GRM7: variants seen among roughly 807,000 people sequenced by gnomAD.
GRM7 encodes metabotropic glutamate receptor 7.
In GRM7, 35 loss-of-function variants were observed where a neutral mutation model predicts 84.5. That is an observed-to-expected ratio of 0.41 (90% CI 0.32 to 0.55). The LOEUF (loss-of-function observed/expected upper bound fraction) is 0.55, where lower values mean the gene tolerates loss of function less well. GRM7 is among the 20% of genes least tolerant of loss of function. The probability of loss-of-function intolerance (pLI) is 0.19; values close to 1 mark genes in which losing one functional copy is unlikely to be tolerated. For synonymous variants in GRM7, 487 were observed against 455.1 expected (o/e 1.07, Z -0.89); for missense variants, 1,003 against 1,194.6 (o/e 0.84, Z 2.36).
At chr3:7,063,981 G>A (rs74471390) in intron 1 of GRM7, among the ~76,000 whole-genome samples, 5,621 of 148,580 alleles carry the variant, frequency 0.038, 211 homozygotes, top group East Asian at 0.094. Context: ...GGTATGCAGC[G>A]TGGGATCTTC....
intron 6 of GRM7, among the ~76,000 whole-genome samples, chr3:7,460,125 A>AAAAAAAAAAAAAT (rs1250538408): frequency 6.7e-6 from 1 of 150,356 alleles, no homozygotes; most frequent in Non-Finnish European, 1.5e-5. Flanking sequence ...AAAAAAAAAA[A>AAAAAAAAAAAAAT]AAAAGATGCC....
At chr3:7,717,897 A>G (rs572673296) in intron 9 of GRM7, among the ~76,000 whole-genome samples, 59 of 152,366 alleles carry the variant, frequency 3.9e-4, no homozygotes, top group African/African-American at 1.3e-3. Flanking sequence ...GAGGTATGGT[A>G]GTACATTTCA....
At chr3:6,911,096 A>G (rs1452267084) in intron 1 of GRM7, among the ~76,000 whole-genome samples, 3 of 152,166 alleles carry the variant, frequency 2.0e-5, no homozygotes, top group African/African-American at 7.2e-5. Flanking sequence ...AGGAGCTTCT[A>G]ATCATCCTTA....
chr3:7,457,575 T>C (rs67295834), intron 6 of GRM7, among the ~76,000 whole-genome samples: 18,426 of 152,228 alleles, frequency 0.12, 1,169 homozygotes, highest in South Asian at 0.27. Flanking sequence ...TTATATTTTG[T>C]AGAGATGGCA....
intron 8 of GRM7, among the ~76,000 whole-genome samples, chr3:7,591,190 C>T (rs968557287): frequency 2.6e-5 from 4 of 152,058 alleles, no homozygotes; most frequent in African/African-American, 7.2e-5. Context: ...ATGAAGATTG[C>T]GCAGACAAAG....
chr3:7,057,797 A>G (rs1255622370), intron 1 of GRM7, among the ~76,000 whole-genome samples: 2 of 151,920 alleles, frequency 1.3e-5, no homozygotes, highest in Non-Finnish European at 2.9e-5. Context: ...ACCTCTTCAT[A>G]TATCAGGATG....
At chr3:7,019,931 G>A (rs2124909724) in intron 1 of GRM7, among the ~76,000 whole-genome samples, 1 of 152,284 alleles carries the variant, frequency 6.6e-6, no homozygotes, top group Non-Finnish European at 1.5e-5. Flanking sequence ...CACCGGAAAA[G>A]ATTTTGTTTC....
chr3:7,077,973 G>A (rs1055287028), intron 1 of GRM7, among the ~76,000 whole-genome samples: 1 of 149,764 alleles, frequency 6.7e-6, no homozygotes, highest in Non-Finnish European at 1.5e-5. Context: ...AGGCTTTGCT[G>A]GCCACACTGT....
intron 5 of GRM7, among the ~76,000 whole-genome samples, chr3:7,450,714 T>C (rs899660309): frequency 2.1e-5 from 3 of 140,694 alleles, no homozygotes; most frequent in Admixed American, 6.9e-5. Context: ...ATAAATTTTA[T>C]CTTTAAAAAA....
chr3:6,873,274 T>C (rs536363988), intron 1 of GRM7, among the ~76,000 whole-genome samples: 1 of 152,314 alleles, frequency 6.6e-6, no homozygotes, highest in East Asian at 1.9e-4. Flanking sequence ...GGTTTCACCA[T>C]ACTGGCCAGG....
chr3:7,606,548 G>C (rs545643322), intron 8 of GRM7, among the ~76,000 whole-genome samples: 27 of 151,838 alleles, frequency 1.8e-4, no homozygotes, highest in Admixed American at 3.9e-4. Context: ...TTTCTTTTTG[G>C]GGGGACAAGG....
At chr3:7,107,273 A>T (rs1276575330) in intron 1 of GRM7, among the ~76,000 whole-genome samples, 1 of 152,018 alleles carries the variant, frequency 6.6e-6, no homozygotes, top group African/African-American at 2.4e-5. Flanking sequence ...TTTTCCAGTT[A>T]GATAGGTGTC....
intron 8 of GRM7, among the ~76,000 whole-genome samples, chr3:7,670,004 ACAGTCACCC>A (rs1352624084): frequency 6.8e-6 from 1 of 147,074 alleles, no homozygotes; most frequent in Non-Finnish European, 1.5e-5. Context: ...TTTTGAGTGC[ACAGTCACCC>A]CAATGGGCAA....
intron 2 of GRM7, among the ~76,000 whole-genome samples, chr3:7,251,961 CT>C (rs1698008088): frequency 6.6e-6 from 1 of 152,092 alleles, no homozygotes. Flanking sequence ...AAAACAAAGC[CT>C]TTTTTCCAAT....
At chr3:7,070,510 CA>C (rs1406340435) in intron 1 of GRM7, among the ~76,000 whole-genome samples, 2 of 152,078 alleles carry the variant, frequency 1.3e-5, no homozygotes, top group Non-Finnish European at 2.9e-5. Flanking sequence ...TGGCAGTTTT[CA>C]AATACTATTC....
chr3:7,398,829 G>T (rs1559294210), intron 4 of GRM7, among the ~76,000 whole-genome samples: 2 of 152,036 alleles, frequency 1.3e-5, no homozygotes, highest in African/African-American at 2.4e-5. Flanking sequence ...CCATGGCCAT[G>T]AAGCCAACCC....
chr3:7,317,106 T>C (rs1040184214), intron 4 of GRM7, among the ~76,000 whole-genome samples: 42 of 152,174 alleles, frequency 2.8e-4, no homozygotes, highest in Admixed American at 1.3e-4. Flanking sequence ...GTACTGAGAA[T>C]TGACCATTCA....
At chr3:7,538,231 T>A (rs1336895721) in intron 7 of GRM7, among the ~76,000 whole-genome samples, 1 of 152,196 alleles carries the variant, frequency 6.6e-6, no homozygotes, top group Admixed American at 6.5e-5. Flanking sequence ...TGCCTCAGCC[T>A]CCTGAGAAGC....
intron 4 of GRM7, among the ~76,000 whole-genome samples, chr3:7,410,001 A>G (rs1575294254): frequency 6.6e-6 from 1 of 152,310 alleles, no homozygotes; most frequent in South Asian, 2.1e-4. Context: ...AATTGCCTCA[A>G]CAGCACATGA....
Sources: gnomAD v4.1 joint callset for allele counts (sites outside exome capture counted in the v4.1 genomes callset) on GRCh38, gnomAD v4.1.1 for gene constraint, MANE v1.5 for transcripts, NCBI Gene and HGNC (gene_info 2026-07-23, HGNC 2026-07-21) for gene names.